MCMDC2: variants seen among roughly 807,000 people sequenced by gnomAD.
MCMDC2 encodes minichromosome maintenance domain containing 2.
In MCMDC2, 54 loss-of-function variants were observed where a neutral mutation model predicts 75.8. That is an observed-to-expected ratio of 0.71 (90% CI 0.57 to 0.89). The LOEUF (loss-of-function observed/expected upper bound fraction) is 0.89, where lower values mean the gene tolerates loss of function less well. Ranked by LOEUF, MCMDC2 falls within the 40% of genes least tolerant of loss-of-function variation. MCMDC2 has a pLI of 0.00. For missense variants in MCMDC2, 656 were observed against 780.4 expected (o/e 0.84, Z 1.90); for synonymous variants, 249 against 274.6 (o/e 0.91, Z 0.92).
chr8:66,880,969 C>A lies in MCMDC2; in HGVS notation c.830C>A (p.Ser277Ter). ...IEANSITFCN[S>*]KVPSGISDNF... ...GCAAATAGCATAACTTTTTGTAATT[C>A]AAAAGGTAAGGAAAATTTTAGTATT... Residue 277 changes from serine (S) to a stop codon, truncating the protein, a stop_gained, in exon 8 of 15, where the codon TCA becomes TAA. Coordinates refer to ENST00000422365, the MANE Select transcript of MCMDC2 (RefSeq NM_173518.5). LOFTEE classifies it high-confidence loss of function. 1.3e-6 allele frequency: 2 copies of A among 1,502,990 alleles called. No individual in the cohort carries two copies. Among genetic ancestry groups the A allele is most frequent in the South Asian group, 1.5e-5 (1 of 68,642 alleles). The allele number at this position is 1,502,990 out of a possible 1,614,324, so 93.1% of individuals were successfully genotyped here.
At chr8:66,902,514 C>A (rs1812710528) in intron 13 of MCMDC2, among the ~76,000 whole-genome samples, 1 of 150,470 alleles carries the variant, frequency 6.6e-6, no homozygotes, top group South Asian at 2.1e-4. Context: ...CATGGTGAAA[C>A]CCTGTCTTTA....
intron 1 of MCMDC2, among the ~76,000 whole-genome samples, chr8:66,871,979 A>G (rs2130782551): frequency 6.6e-6 from 1 of 152,202 alleles, no homozygotes; most frequent in Non-Finnish European, 1.5e-5. Context: ...TATAATCTTC[A>G]AAAGCGTACA....
At chr8:66,897,901 A>G (rs974490694) in intron 12 of MCMDC2, among the ~76,000 whole-genome samples, 2 of 152,202 alleles carry the variant, frequency 1.3e-5, no homozygotes, top group African/African-American at 4.8e-5. Flanking sequence ...ATGATAGATA[A>G]AAGGCAGGGA....
chr8:66,916,353 C>T (rs1459420825), intron 14 of MCMDC2, among the ~76,000 whole-genome samples: 5 of 151,938 alleles, frequency 3.3e-5, no homozygotes. Context: ...ATATACTTTA[C>T]TTGATGTCAT....
intron 9 of MCMDC2, among the ~76,000 whole-genome samples, chr8:66,890,350 G>C (rs1451305843): frequency 1.3e-5 from 2 of 151,812 alleles, no homozygotes; most frequent in African/African-American, 4.8e-5. Flanking sequence ...ACAGTTGTAA[G>C]CCATTACGCC....
chr8:66,877,261 ACTTT>A, intron 4 of MCMDC2, 84 bp from the exon 5 acceptor site: 1 of 798,288 alleles, frequency 1.3e-6, no homozygotes, highest in Admixed American at 3.7e-5. Context: ...TCATTACTTG[ACTTT>A]CTTTATAATA....
chr8:66,873,845 C>A (rs1201769490), intron 1 of MCMDC2, among the ~76,000 whole-genome samples: 1 of 151,944 alleles, frequency 6.6e-6, no homozygotes, highest in South Asian at 2.1e-4. Flanking sequence ...TGAGATTGCG[C>A]CACTGCACTC....
In MCMDC2 at chr8:66,919,359, C is replaced by T. The variant is rs1443126670; in HGVS notation, c.*190C>T. The T allele has an allele frequency of 2.6e-6, 1 of 385,784 alleles. No individual in the cohort carries two copies. Among genetic ancestry groups the T allele is most frequent in the Non-Finnish European group, 4.5e-6 (1 of 220,588 alleles). 23.9% of individuals were successfully genotyped at this position (385,784 alleles called of 1,614,324 possible). ...ATGGGATAAATACTAATCCAAACCT[C>T]TAAAACCAACAGAATTTTAAAACTT... On this transcript the variant is annotated 3_prime_UTR_variant, in exon 15 of 15. Coordinates refer to ENST00000422365, the MANE Select transcript of MCMDC2 (RefSeq NM_173518.5).
chr8:66,886,093 G>GTATTTTCAT (rs1281320183), intron 9 of MCMDC2, among the ~76,000 whole-genome samples: 1 of 148,912 alleles, frequency 6.7e-6, no homozygotes, highest in Non-Finnish European at 1.5e-5. Flanking sequence ...TTGTGGACAT[G>GTATTTTCAT]TATTTTCATT....
downstream of MCMDC2, among the ~76,000 whole-genome samples, chr8:66,924,069 C>A (rs1367630623): frequency 1.3e-5 from 2 of 152,044 alleles, no homozygotes; most frequent in African/African-American, 4.8e-5. Context: ...TCGGTGGATT[C>A]TTTTGTATTA....
At chr8:66,918,238 GATT>G (rs1813393593) in intron 14 of MCMDC2, among the ~76,000 whole-genome samples, 1 of 151,760 alleles carries the variant, frequency 6.6e-6, no homozygotes, top group Admixed American at 6.6e-5. Flanking sequence ...ATTTTTTAAT[GATT>G]ATTTTCTTAC....
At chr8:66,874,279 C>T (rs1811166575) in intron 2 of MCMDC2, 45 bp downstream of exon 2, 2 of 1,606,388 alleles carry the variant, frequency 1.2e-6, no homozygotes, top group Admixed American at 1.7e-5. Flanking sequence ...TTCAAATAAA[C>T]TCCTACACAT....
At position 66,896,887 on chromosome 8, in the gene MCMDC2, G is replaced by A. The variant is rs1812379271; in HGVS notation, c.1554G>A (p.Leu518=). Residue 518 remains leucine (L), a synonymous_variant, in exon 12 of 15, where the codon TTG becomes TTA. Coordinates refer to ENST00000422365, the MANE Select transcript of MCMDC2 (RefSeq NM_173518.5). ...HPFLPTVQHT[L]NKAINPEGLF... is the part of the protein sequence containing the mutation. ...TTCTTCCTACTGTGCAACACACTTT[G>A]AACAAAGCCATTAATCCTGAAGGGC... 1 of 1,613,264 alleles carries A rather than the reference G, an allele frequency of 6.2e-7. No homozygotes were observed. The highest frequency in any genetic ancestry group is 8.5e-7 in the Non-Finnish European group (1 of 1,179,732).
chr8:66,890,749 G>A (rs1222464908), intron 9 of MCMDC2, 116 bp from the exon 10 acceptor site: 7 of 867,228 alleles, frequency 8.1e-6, no homozygotes, highest in Non-Finnish European at 1.2e-5. Flanking sequence ...TTTATCCCTA[G>A]CACAATAGCT....
At position 66,885,254 on chromosome 8, in the gene MCMDC2, A is replaced by G. The variant is rs545418857; in HGVS notation, c.1073+1260A>G. 9.3e-5 allele frequency among the ~76,000 whole-genome samples: 14 copies of G among 151,122 alleles called. No homozygotes were observed. The East Asian group carries it at 2.6e-3, about 28-fold the overall frequency. On this transcript the variant is annotated intron_variant, in intron 9 of 14. Transcript: ENST00000422365. ...AGGCTGAGGCAGGAGAATTGCTAGA[A>G]CCTGGGAGGTGGAGGTTGCAATGAG... is the stretch of plus-strand genomic sequence containing the variant.
At chr8:66,904,672 G>T (rs561092165) in intron 13 of MCMDC2, among the ~76,000 whole-genome samples, 1 of 152,234 alleles carries the variant, frequency 6.6e-6, no homozygotes, top group South Asian at 2.1e-4. Flanking sequence ...AGTAATGGAA[G>T]CTGGTTAAAA....
intron 10 of MCMDC2, among the ~76,000 whole-genome samples, chr8:66,893,798 GT>G (rs1189219547): frequency 1.3e-5 from 2 of 152,070 alleles, no homozygotes; most frequent in Non-Finnish European, 2.9e-5. Flanking sequence ...GGGAAAAGGA[GT>G]TTTTTTCATC....
chr8:66,882,528 G>T lies in MCMDC2; in HGVS notation c.836-1229G>T, dbSNP rs1352108878. Among the ~76,000 whole-genome samples, 9 of 152,016 alleles carry T rather than the reference G, an allele frequency of 5.9e-5. 1 individual carries two copies. Among genetic ancestry groups the T allele is most frequent in the Admixed American group, 5.9e-4 (9 of 15,256 alleles). On this transcript the variant is annotated intron_variant, in intron 8 of 14. Transcript: ENST00000422365. ...TTACAGGTGCTCACCACCACGCCCAGCTAATTTTTGTATTTTTAATAGAGA... is the reference window on the plus strand; with the variant it reads ...TTACAGGTGCTCACCACCACGCCCATCTAATTTTTGTATTTTTAATAGAGA...
chr8:66,904,808 C>T (rs2130854374), intron 13 of MCMDC2, among the ~76,000 whole-genome samples: 1 of 152,260 alleles, frequency 6.6e-6, no homozygotes, highest in African/African-American at 2.4e-5. Flanking sequence ...AAAGTTTGAA[C>T]TTTGAATTCC....
Sources: allele counts gnomAD v4.1 joint callset (sites outside exome capture counted in the v4.1 genomes callset), GRCh38; gene constraint gnomAD v4.1.1; transcripts MANE v1.5; gene names NCBI Gene and HGNC (gene_info 2026-07-23, HGNC 2026-07-21).